SHISA9: variants seen among roughly 807,000 people sequenced by gnomAD.
SHISA9 encodes the protein shisa family member 9.
In SHISA9, 13 loss-of-function variants were observed where a neutral mutation model predicts 38.0. The observed-to-expected ratio is 0.34, with a 90% CI of 0.22 to 0.54. SHISA9 has a LOEUF of 0.54. Among genes scored for constraint, SHISA9 ranks in the 20% least tolerant of loss-of-function variants. The pLI, the probability that SHISA9 is intolerant of heterozygous loss-of-function variation, is 0.91. For missense variants in SHISA9, 538 were observed against 575.8 expected (o/e 0.93, Z 0.67); for synonymous variants, 275 against 242.0 (o/e 1.14, Z -1.27).
At chr16:13,405,068 G>A in the SHISA9 span, among the ~76,000 whole-genome samples, 1 of 152,196 alleles carries the variant, frequency 6.6e-6, no homozygotes, top group African/African-American at 2.4e-5. Flanking sequence ...ACCCTGTCAT[G>A]GAGAAGACAC....
the SHISA9 span, among the ~76,000 whole-genome samples, chr16:13,276,921 A>T: frequency 2.6e-5 from 4 of 152,094 alleles, no homozygotes; most frequent in Non-Finnish European, 5.9e-5. Flanking sequence ...CATTTTAATT[A>T]GGTCCCAGCT....
the SHISA9 span, among the ~76,000 whole-genome samples, chr16:13,440,265 C>T: frequency 6.6e-6 from 1 of 152,340 alleles, no homozygotes; most frequent in Non-Finnish European, 1.5e-5. Flanking sequence ...CTCTAATTCC[C>T]AGTCTTCATC....
At chr16:13,531,684 G>C in the SHISA9 span, among the ~76,000 whole-genome samples, 1 of 152,220 alleles carries the variant, frequency 6.6e-6, no homozygotes, top group Non-Finnish European at 1.5e-5. Flanking sequence ...AGAGGGGACT[G>C]ATTTTGAAGT....
At chr16:13,547,379 A>G in the SHISA9 span, among the ~76,000 whole-genome samples, 3 of 152,206 alleles carry the variant, frequency 2.0e-5, no homozygotes, top group Non-Finnish European at 4.4e-5. Flanking sequence ...GAAGAGATTT[A>G]TCATGGGAAT....
At chr16:13,413,029 C>G in the SHISA9 span, among the ~76,000 whole-genome samples, 1 of 152,008 alleles carries the variant, frequency 6.6e-6, no homozygotes, top group African/African-American at 2.4e-5. Context: ...CAGAATTACA[C>G]AAAGTACTCT....
chr16:13,189,339 C>T (rs2050860341), intron 2 of SHISA9, among the ~76,000 whole-genome samples: 4 of 152,154 alleles, frequency 2.6e-5, no homozygotes, highest in Admixed American at 2.0e-4. Context: ...GCTGAACCTC[C>T]AGATTCTTCC....
At chr16:13,488,376 A>G in the SHISA9 span, among the ~76,000 whole-genome samples, 43,299 of 152,014 alleles carry the variant, frequency 0.28, 6,755 homozygotes, top group East Asian at 0.37. Flanking sequence ...TAAATGCTGC[A>G]TTTTTCTGTG....
At chr16:13,367,754 G>C in the SHISA9 span, among the ~76,000 whole-genome samples, 1 of 131,838 alleles carries the variant, frequency 7.6e-6, no homozygotes. Flanking sequence ...ACACACCCCT[G>C]AATTTGGTCT....
At chr16:13,493,197 A>G in the SHISA9 span, among the ~76,000 whole-genome samples, 1 of 150,614 alleles carries the variant, frequency 6.6e-6, no homozygotes, top group African/African-American at 2.5e-5. Context: ...GAAACAATGA[A>G]GTGTTTCAGA....
chr16:13,525,299 C>T, the SHISA9 span, among the ~76,000 whole-genome samples: 10 of 152,116 alleles, frequency 6.6e-5, no homozygotes, highest in East Asian at 7.7e-4. Context: ...GTGAATGAAT[C>T]GGATGCCATC....
In SHISA9 at chr16:13,212,181, A is replaced by G. The variant is rs181503749; in HGVS notation, c.848-1072A>G. Among the ~76,000 whole-genome samples, 251 of 152,266 alleles carry G rather than the reference A, an allele frequency of 1.6e-3. 1 individual carries two copies. The highest frequency in any genetic ancestry group is 3.0e-3 in the Non-Finnish European group (203 of 68,014). On this transcript the variant is annotated intron_variant, in intron 3 of 4. Coordinates refer to ENST00000558583, the MANE Select transcript of SHISA9 (RefSeq NM_001145204.3). Reference sequence around the variant, plus strand: ...CCTGCGCCTTCACTCAGCCTGATATATCTCTGGAAATAGTGCCAAACTGTT... The same window carrying G: ...CCTGCGCCTTCACTCAGCCTGATATGTCTCTGGAAATAGTGCCAAACTGTT...
At chr16:13,493,236 A>G in the SHISA9 span, among the ~76,000 whole-genome samples, 3 of 152,092 alleles carry the variant, frequency 2.0e-5, no homozygotes, top group South Asian at 2.1e-4. Flanking sequence ...TTGGAGGAGA[A>G]TAAGACACTG....
chr16:12,909,518 A>T lies in SHISA9; in HGVS notation c.563+6891A>T. 3 of 985,436 alleles carry T rather than the reference A, an allele frequency of 3.0e-6. No individual in the cohort carries two copies. The South Asian group carries it at 1.4e-4, about 46-fold the overall frequency. 61.0% of individuals were successfully genotyped at this position (985,436 alleles called of 1,614,324 possible). A position where few individuals can be genotyped will look rare whatever the true frequency, so the allele number is the denominator to read the frequency against. ...TTGGTGTCATATATTTGTCATTGTA[A>T]TTGGAAAGAAAAGAGATGCACCATT... is the stretch of plus-strand genomic sequence containing the variant. On this transcript the variant is annotated intron_variant, in intron 1 of 4. Coordinates refer to ENST00000558583, the MANE Select transcript of SHISA9 (RefSeq NM_001145204.3).
the SHISA9 span, among the ~76,000 whole-genome samples, chr16:13,409,252 A>T: frequency 6.6e-6 from 1 of 152,206 alleles, no homozygotes. Context: ...TTCCGCTGAC[A>T]GCCACTTCCA....
chr16:13,529,693 T>C, the SHISA9 span, among the ~76,000 whole-genome samples: 7 of 152,292 alleles, frequency 4.6e-5, no homozygotes, highest in African/African-American at 1.7e-4. Flanking sequence ...CACCAACAGT[T>C]TCCTTCTTTG....
the SHISA9 span, among the ~76,000 whole-genome samples, chr16:13,260,007 C>CTTTTTTTTCT: frequency 1.7e-5 from 1 of 60,418 alleles, no homozygotes; most frequent in African/African-American, 6.6e-5. Context: ...TTCTTTCTTT[C>CTTTTTTTTCT]TTTTTTTTTT....
the SHISA9 span, among the ~76,000 whole-genome samples, chr16:13,548,335 G>C: frequency 6.6e-6 from 1 of 152,100 alleles, no homozygotes; most frequent in African/African-American, 2.4e-5. Flanking sequence ...AAAAGCATAG[G>C]CAATGGAAGC....
chr16:13,200,409 A>AACACACACACACAC (rs148088145), intron 2 of SHISA9, among the ~76,000 whole-genome samples: 4,526 of 136,448 alleles, frequency 0.033, 95 homozygotes, highest in Non-Finnish European at 0.04. Flanking sequence ...TATATCATGA[A>AACACACACACACAC]ACACACACAC....
intron 2 of SHISA9, among the ~76,000 whole-genome samples, chr16:13,013,014 C>T (rs1248278944): frequency 6.6e-6 from 1 of 152,186 alleles, no homozygotes; most frequent in Non-Finnish European, 1.5e-5. Context: ...GGGGACCTGC[C>T]TCTCCTGCTG....
Sources: allele counts gnomAD v4.1 joint callset (sites outside exome capture counted in the v4.1 genomes callset), GRCh38; gene constraint gnomAD v4.1.1; transcripts MANE v1.5; gene names NCBI Gene and HGNC (gene_info 2026-07-23, HGNC 2026-07-21).